Variants in GPC3 observed in about 807,000 individuals in gnomAD.
The protein encoded by GPC3 is glypican 3.
In GPC3, 3 loss-of-function variants were observed where a neutral mutation model predicts 34.4. That is an observed-to-expected ratio of 0.09 (90% CI 0.04 to 0.23). The LOEUF is 0.23. GPC3 is among the 10% of genes least tolerant of loss of function. The pLI, the probability that GPC3 is intolerant of heterozygous loss-of-function variation, is 1.00. For missense variants in GPC3, 351 were observed against 445.6 expected (o/e 0.79, Z 1.91); for synonymous variants, 177 against 174.0 (o/e 1.02, Z -0.13).
chrX:133,645,264 G>C (rs1346444298), intron 6 of GPC3, among the ~76,000 whole-genome samples: 3 of 111,399 alleles, frequency 2.7e-5, no homozygotes, highest in Non-Finnish European at 5.6e-5. Context: ...GGGCAGGCGG[G>C]CCTCTCAGTC....
chrX:133,751,086 T>TAAAG (rs2071663991), intron 3 of GPC3, among the ~76,000 whole-genome samples: 1 of 101,248 alleles, frequency 9.9e-6, no homozygotes, highest in South Asian at 4.5e-4. Context: ...AATAAATAAA[T>TAAAG]AAATAAATAA....
At chrX:133,699,125 G>A (rs1376556776) in intron 4 of GPC3, among the ~76,000 whole-genome samples, 1 of 111,608 alleles carries the variant, frequency 9.0e-6, no homozygotes, top group Non-Finnish European at 1.9e-5. Context: ...GGTGGCTCAC[G>A]AGAATGGCTT....
intron 6 of GPC3, among the ~76,000 whole-genome samples, chrX:133,629,122 C>T (rs968670295): frequency 2.7e-5 from 3 of 111,834 alleles, no homozygotes; most frequent in East Asian, 2.8e-4. Flanking sequence ...CAAATAAAAC[C>T]GTTATTATTT....
intron 2 of GPC3, among the ~76,000 whole-genome samples, chrX:133,780,756 C>G (rs1043129750): frequency 1.8e-5 from 2 of 111,429 alleles, no homozygotes; most frequent in African/African-American, 6.5e-5. Context: ...GCAACATCAC[C>G]TCCTCCATCA....
intron 2 of GPC3, among the ~76,000 whole-genome samples, chrX:133,790,160 T>C (rs932591870): frequency 1.6e-4 from 18 of 111,637 alleles, no homozygotes; most frequent in African/African-American, 5.5e-4. Flanking sequence ...CTGGCTGATT[T>C]ACGAGTGAGA....
At chrX:133,739,850 T>C (rs1182302796) in intron 3 of GPC3, among the ~76,000 whole-genome samples, 1 of 111,677 alleles carries the variant, frequency 9.0e-6, no homozygotes, top group Non-Finnish European at 1.9e-5. Flanking sequence ...GCCACTGCAC[T>C]CCAGCCTGGG....
chrX:133,659,536 C>T (rs764274352), intron 6 of GPC3, among the ~76,000 whole-genome samples: 1 of 111,753 alleles, frequency 8.9e-6, no homozygotes, highest in African/African-American at 3.3e-5. Flanking sequence ...CCACCCAAAA[C>T]CGATGAGCAG....
intron 5 of GPC3, among the ~76,000 whole-genome samples, chrX:133,677,875 A>G (rs914000785): frequency 8.9e-6 from 1 of 111,873 alleles, no homozygotes; most frequent in African/African-American, 3.3e-5. Flanking sequence ...GACAGGGTAT[A>G]GCAGTACAGA....
chrX:133,570,644 G>A (rs1336007709), intron 7 of GPC3, among the ~76,000 whole-genome samples: 6 of 112,244 alleles, frequency 5.3e-5, no homozygotes, highest in Non-Finnish European at 9.4e-5. Flanking sequence ...ACCCCTTTGA[G>A]TCTGGGCTTC....
intron 2 of GPC3, among the ~76,000 whole-genome samples, chrX:133,767,506 C>T (rs917402118): frequency 5.4e-5 from 6 of 111,696 alleles, no homozygotes; most frequent in African/African-American, 2.0e-4. Context: ...TCCCTTGAGT[C>T]GCAGTTCGTT....
chrX:133,818,133 T>C (rs981271569), intron 2 of GPC3, among the ~76,000 whole-genome samples: 1 of 111,514 alleles, frequency 9.0e-6, no homozygotes, highest in South Asian at 3.8e-4. Flanking sequence ...AGCAGCTGCC[T>C]TTTATCGATT....
At chrX:133,951,725 T>C (rs1197289154) in intron 2 of GPC3, among the ~76,000 whole-genome samples, 1 of 112,208 alleles carries the variant, frequency 8.9e-6, no homozygotes, top group Non-Finnish European at 1.9e-5. Flanking sequence ...ATAAATAGTT[T>C]AACAAATACT....
At chrX:133,547,950 C>T (rs994645161) in intron 7 of GPC3, among the ~76,000 whole-genome samples, 3 of 111,240 alleles carry the variant, frequency 2.7e-5, no homozygotes, top group African/African-American at 6.6e-5. Context: ...TGTGAGCCAC[C>T]ACTCCCAGGC....
At chrX:133,636,446 C>T (rs1446137572) in intron 6 of GPC3, among the ~76,000 whole-genome samples, 3 of 112,427 alleles carry the variant, frequency 2.7e-5, no homozygotes, top group African/African-American at 9.7e-5. Flanking sequence ...GCAGGTGGAT[C>T]ACCTGAGGTC....
chrX:133,936,895 C>T (rs2076325795), intron 2 of GPC3, among the ~76,000 whole-genome samples: 1 of 111,727 alleles, frequency 9.0e-6, no homozygotes, highest in Non-Finnish European at 1.9e-5. Context: ...AAGTCAAACG[C>T]CTGATAGGCT....
At chrX:133,812,357 C>T (rs992064122) in intron 2 of GPC3, among the ~76,000 whole-genome samples, 10 of 111,899 alleles carry the variant, frequency 8.9e-5, no homozygotes, top group African/African-American at 9.8e-5. Flanking sequence ...TATTTAAACT[C>T]GAATGTGTGT....
At chrX:133,796,102 G>A (rs184087725) in intron 2 of GPC3, among the ~76,000 whole-genome samples, 1,561 of 108,966 alleles carry the variant, frequency 0.014, 40 homozygotes, top group African/African-American at 0.049. Flanking sequence ...CCGCCACCAC[G>A]CCCGGCTAAT....
intron 2 of GPC3, among the ~76,000 whole-genome samples, chrX:133,878,971 A>G (rs1176085158): frequency 9.0e-6 from 1 of 111,642 alleles, no homozygotes; most frequent in East Asian, 2.8e-4. Flanking sequence ...ATGCTGGAAA[A>G]CTGTACAAGT....
At position 133,702,798 on chromosome X, in the gene GPC3, C is replaced by T. The variant is rs541974721; in HGVS notation, c.1033-2770G>A. Among the ~76,000 whole-genome samples the T allele has an allele frequency of 1.9e-4, 21 of 111,864 alleles. No individual in the cohort carries two copies. The South Asian group carries it at 7.8e-3, about 42-fold the overall frequency. ...CCTGCCAATAACCCTACTCCTCCATCTGAAATGTGCCACATCTTATCAGAC... is the reference window on the plus strand; with the variant it reads ...CCTGCCAATAACCCTACTCCTCCATTTGAAATGTGCCACATCTTATCAGAC... On this transcript the variant is annotated intron_variant, in intron 3 of 7. Coordinates refer to ENST00000370818, the MANE Select transcript of GPC3 (RefSeq NM_004484.4).
Sources: gnomAD v4.1 joint callset for allele counts (sites outside exome capture counted in the v4.1 genomes callset) on GRCh38, gnomAD v4.1.1 for gene constraint, MANE v1.5 for transcripts, NCBI Gene and HGNC (gene_info 2026-07-23, HGNC 2026-07-21) for gene names.